The following RUFY3 variants were observed in gnomAD, a reference collection of about 807,000 sequenced individuals.
The protein encoded by RUFY3 is RUN and FYVE domain containing 3, also known as protein RUFY3.
Under a neutral mutation model 84.0 loss-of-function variants are expected in RUFY3, and 34 were observed. The ratio of observed to expected loss-of-function variants is 0.40; its 90% CI spans 0.31 to 0.54. RUFY3 has a LOEUF of 0.54. Ranked by LOEUF, RUFY3 falls within the 20% of genes least tolerant of loss-of-function variation. The pLI is 0.39. For synonymous variants in RUFY3, 242 were observed against 252.9 expected (o/e 0.96, Z 0.41); for missense variants, 507 against 736.8 (o/e 0.69, Z 3.61).
At chr4:70,741,219 T>C (rs1456328622) in intron 1 of RUFY3, among the ~76,000 whole-genome samples, 2 of 152,062 alleles carry the variant, frequency 1.3e-5, no homozygotes, top group African/African-American at 4.8e-5. Context: ...GTCCTGAATC[T>C]AAAAGAAATA....
At chr4:70,744,778 C>G (rs1301237508) in intron 1 of RUFY3, among the ~76,000 whole-genome samples, 1 of 151,678 alleles carries the variant, frequency 6.6e-6, no homozygotes, top group Non-Finnish European at 1.5e-5. Flanking sequence ...CCTCAGCCTC[C>G]TGAGTAGCTG....
At chr4:70,741,637 G>A in intron 1 of RUFY3, 1 of 1,523,514 alleles carries the variant, frequency 6.6e-7, no homozygotes, top group Non-Finnish European at 8.8e-7. Context: ...ACTCTTGGGA[G>A]GATTTGACAG....
chr4:70,793,813 T>C lies in RUFY3; in HGVS notation c.1366T>C (p.Ser456Pro), dbSNP rs373241356. The change falls in exon 13 of 18, where the codon TCT becomes CCT. Residue 456 changes from serine (S) to proline (P), a missense_variant. This residue lies in a region of RUFY3 where 334 missense variants were observed against 364.1 expected (regional missense o/e 0.92). Transcript: ENST00000381006. ...GCGCCAGGCTGAGCGAAGCCGCCAA[T>C]CTGCTGAGTTGGACAACCGGCTCTT... Reference protein sequence around the residue: ...RLRQAERSRQSAELDNRLFKQ... With the variant: ...RLRQAERSRQPAELDNRLFKQ... 1.2e-6 allele frequency: 2 copies of C among 1,613,966 alleles called. No homozygotes were observed. Among genetic ancestry groups the C allele is most frequent in the African/African-American group, 2.7e-5 (2 of 74,910 alleles).
At chr4:70,708,599 G>C (rs1168257807) in intron 1 of RUFY3, among the ~76,000 whole-genome samples, 1 of 152,200 alleles carries the variant, frequency 6.6e-6, no homozygotes, top group African/African-American at 2.4e-5. Flanking sequence ...TTTGCTAAAA[G>C]TATATAAAAT....
intron 1 of RUFY3, among the ~76,000 whole-genome samples, chr4:70,735,569 G>C (rs1234811406): frequency 6.6e-6 from 1 of 152,116 alleles, no homozygotes; most frequent in African/African-American, 2.4e-5. Context: ...GGCTGGGCGT[G>C]GTGGCTCACA....
chr4:70,711,740 A>G (rs1389164950), intron 1 of RUFY3, among the ~76,000 whole-genome samples: 1 of 152,214 alleles, frequency 6.6e-6, no homozygotes, highest in Non-Finnish European at 1.5e-5. Context: ...CTCCTTCCAC[A>G]CACAGCTGAC....
intron 2 of RUFY3, 109 bp downstream of exon 2, chr4:70,762,801 TAATA>T: frequency 1.1e-6 from 1 of 942,106 alleles, no homozygotes; most frequent in Non-Finnish European, 1.6e-6. Flanking sequence ...CTTGAATTAA[TAATA>T]TTAATCCATT....
chr4:70,756,501 A>G lies in RUFY3; in HGVS notation c.179-6018A>G, dbSNP rs4694341. Among the ~76,000 whole-genome samples, 130 of 152,008 alleles carry G rather than the reference A, an allele frequency of 8.6e-4. 3 individuals carry two copies. Among genetic ancestry groups the G allele is most frequent in the Admixed American group, 6.7e-3 (102 of 15,274 alleles). ...CATCTCTAATACTTAAACCCCTGGC[A>G]TTTTTTCAGTGTTGTTTTTCTTCTG... On this transcript the variant is annotated intron_variant, in intron 1 of 17. Transcript: ENST00000381006.
intron 1 of RUFY3, among the ~76,000 whole-genome samples, chr4:70,747,078 T>C (rs1470694163): frequency 6.6e-6 from 1 of 152,248 alleles, no homozygotes; most frequent in Non-Finnish European, 1.5e-5. Context: ...TATCTCTCGA[T>C]ATTATTTCTT....
chr4:70,725,325 T>C (rs970282253), intron 1 of RUFY3, among the ~76,000 whole-genome samples: 7 of 152,174 alleles, frequency 4.6e-5, no homozygotes, highest in Admixed American at 6.5e-5. Context: ...TCTTTTGTCT[T>C]ATATACTCTT....
At chr4:70,778,480 A>G (rs367854303) in intron 8 of RUFY3, 42 bp downstream of exon 8, 1 of 1,053,508 alleles carries the variant, frequency 9.5e-7, no homozygotes, top group African/African-American at 1.6e-5. Context: ...AGAATTTAAT[A>G]TGCATTAGTA....
intron 1 of RUFY3, among the ~76,000 whole-genome samples, chr4:70,713,531 A>G (rs1407865839): frequency 2.0e-5 from 3 of 149,824 alleles, no homozygotes; most frequent in African/African-American, 7.4e-5. Context: ...CAAGATACTC[A>G]GCTTTGTCAG....
At chr4:70,725,176 T>G (rs946667016) in intron 1 of RUFY3, among the ~76,000 whole-genome samples, 1 of 151,086 alleles carries the variant, frequency 6.6e-6, no homozygotes, top group Admixed American at 6.6e-5. Flanking sequence ...AAAACCAGAG[T>G]TCCTGGCCCT....
intron 13 of RUFY3, 93 bp from the exon 14 acceptor site, chr4:70,794,701 TA>T (rs1160600619): frequency 1.3e-6 from 1 of 784,074 alleles, no homozygotes; most frequent in African/African-American, 1.8e-5. Context: ...CATTCGTAAT[TA>T]CTGCACTTTA....
intron 1 of RUFY3, among the ~76,000 whole-genome samples, chr4:70,750,579 A>G (rs1169112938): frequency 6.6e-6 from 1 of 152,228 alleles, no homozygotes. Flanking sequence ...AAAGTGTACA[A>G]TTCAGTGGTG....
chr4:70,799,836 TCCCCTAAG>T (rs941498494), intron 14 of RUFY3: 43 of 263,636 alleles, frequency 1.6e-4, no homozygotes, highest in African/African-American at 9.7e-4. Context: ...AAATTATACT[TCCCCTAAG>T]AAGTAACTGA....
At chr4:70,758,357 G>T (rs577183292) in intron 1 of RUFY3, among the ~76,000 whole-genome samples, 1 of 152,202 alleles carries the variant, frequency 6.6e-6, no homozygotes, top group African/African-American at 2.4e-5. Context: ...TAGGCCAGGT[G>T]TAGTGGCTTA....
intron 17 of RUFY3, among the ~76,000 whole-genome samples, chr4:70,806,058 A>G (rs565230968): frequency 6.6e-6 from 1 of 152,384 alleles, no homozygotes; most frequent in South Asian, 2.1e-4. Flanking sequence ...CAGAGACCAC[A>G]GGAAAGCATA....
intron 1 of RUFY3, among the ~76,000 whole-genome samples, chr4:70,705,877 C>T (rs973963338): frequency 1.3e-5 from 2 of 152,162 alleles, no homozygotes; most frequent in African/African-American, 4.8e-5. Context: ...TATGACAGAT[C>T]CGTCCCCCGG....
Sources: gnomAD v4.1 joint callset for allele counts (sites outside exome capture counted in the v4.1 genomes callset) on GRCh38, gnomAD v4.1.1 for gene constraint, gnomAD v4.1.1 regional missense constraint, MANE v1.5 for transcripts, NCBI Gene and HGNC (gene_info 2026-07-23, HGNC 2026-07-21) for gene names.